Variants in RBFOX1 observed in about 807,000 individuals in gnomAD.
The protein encoded by RBFOX1 is RNA binding protein fox-1 homolog 1.
RBFOX1 carries 8 observed loss-of-function variants against 57.7 expected under a neutral mutation model. That is an observed-to-expected ratio of 0.14 (90% CI 0.08 to 0.25). The LOEUF is 0.25. Ranked by LOEUF, RBFOX1 falls within the 10% of genes least tolerant of loss-of-function variation. The pLI is 1.00. For missense variants in RBFOX1, 611 were observed against 548.5 expected (o/e 1.11, Z -1.14); for synonymous variants, 326 against 222.4 (o/e 1.47, Z -4.15).
chr16:7,699,340 T>A (rs1009069031), intron 14 of RBFOX1, among the ~76,000 whole-genome samples: 2 of 152,116 alleles, frequency 1.3e-5, no homozygotes, highest in Admixed American at 1.3e-4. Flanking sequence ...TACAGGCAGG[T>A]GCTACCACAC....
rs140342494 is a variant in RBFOX1, at chr16:6,404,631, A to G, written c.-64+87574A>G. Among the ~76,000 whole-genome samples, 564 of 151,950 alleles carry G rather than the reference A, an allele frequency of 3.7e-3. 4 individuals are homozygous for G. Among genetic ancestry groups the G allele is most frequent in the Middle Eastern group, 6.8e-3 (2 of 294 alleles). On this transcript the variant is annotated intron_variant, in intron 2 of 15. Coordinates refer to ENST00000550418, the MANE Select transcript of RBFOX1 (RefSeq NM_018723.4). ...CAGTCCTAGTTTGCTTGGGACGGGG[A>G]GGTTTTCATGGACGCATCATCCCTT...
chr16:7,165,989 C>T (rs1200842388), intron 4 of RBFOX1, among the ~76,000 whole-genome samples: 2 of 150,874 alleles, frequency 1.3e-5, no homozygotes, highest in African/African-American at 4.9e-5. Context: ...CCCCAGATTT[C>T]CTTTGAAGGA....
At position 7,612,844 on chromosome 16, in the gene RBFOX1, A is replaced by G. The variant is rs577062546; in HGVS notation, c.676+5506A>G. On this transcript the variant is annotated intron_variant, in intron 10 of 15. Coordinates refer to ENST00000550418, the MANE Select transcript of RBFOX1 (RefSeq NM_018723.4). ...GCAAAGCTCACCCACGTTGTATATC[A>G]TATCTGCCAACTCATTTCTGTGATT... Among the ~76,000 whole-genome samples the G allele has an allele frequency of 1.1e-4, 16 of 152,296 alleles. No individual in the cohort carries two copies. The East Asian group carries it at 1.5e-3, about 15-fold the overall frequency.
intron 3 of RBFOX1, among the ~76,000 whole-genome samples, chr16:6,891,595 A>G (rs868509549): frequency 6.6e-6 from 1 of 152,166 alleles, no homozygotes; most frequent in Non-Finnish European, 1.5e-5. Flanking sequence ...ATTCCTCAGC[A>G]CCATTGTTCC....
intron 3 of RBFOX1, among the ~76,000 whole-genome samples, chr16:5,729,092 C>G (rs1429113757): frequency 1.3e-5 from 2 of 152,238 alleles, no homozygotes; most frequent in Non-Finnish European, 2.9e-5. Flanking sequence ...ATGTTGAGTG[C>G]TTGCTGTTGC....
chr16:6,437,049 G>A (rs2094255447), intron 2 of RBFOX1, among the ~76,000 whole-genome samples: 1 of 152,082 alleles, frequency 6.6e-6, no homozygotes, highest in Non-Finnish European at 1.5e-5. Context: ...AGTATTTTTG[G>A]CTCTTTGGCT....
chr16:6,856,745 T>A (rs1290755319), intron 3 of RBFOX1, among the ~76,000 whole-genome samples: 1 of 152,154 alleles, frequency 6.6e-6, no homozygotes, highest in African/African-American at 2.4e-5. Context: ...GCAATAATGA[T>A]GATCCATTTG....
intron 2 of RBFOX1, among the ~76,000 whole-genome samples, chr16:6,609,159 G>A (rs550542103): frequency 3.3e-5 from 5 of 152,088 alleles, no homozygotes; most frequent in South Asian, 4.2e-4. Flanking sequence ...TGATACATTC[G>A]CAGGCTCCAG....
At chr16:5,750,320 G>A (rs747381340) in intron 3 of RBFOX1, among the ~76,000 whole-genome samples, 2 of 152,208 alleles carry the variant, frequency 1.3e-5, no homozygotes, top group Non-Finnish European at 2.9e-5. Context: ...GGTCAGGAAC[G>A]TACTTGAGGA....
downstream of RBFOX1, among the ~76,000 whole-genome samples, chr16:5,600,468 CAG>C (rs1308680263): frequency 8.9e-6 from 1 of 111,974 alleles, no homozygotes; most frequent in African/African-American, 3.6e-5. Context: ...CCTGGGCAAA[CAG>C]AGTAAGAGCC....
At chr16:5,285,382 A>T (rs551775360) in intron 1 of RBFOX1, among the ~76,000 whole-genome samples, 23 of 151,922 alleles carry the variant, frequency 1.5e-4, no homozygotes, top group African/African-American at 5.6e-4. Flanking sequence ...TGTATTCATT[A>T]TCTGTGTTCT....
At chr16:6,785,429 T>C (rs2081784582) in intron 3 of RBFOX1, among the ~76,000 whole-genome samples, 1 of 152,152 alleles carries the variant, frequency 6.6e-6, no homozygotes, top group Non-Finnish European at 1.5e-5. Context: ...TGGGCAAAAC[T>C]GCATTGATCC....
intron 3 of RBFOX1, among the ~76,000 whole-genome samples, chr16:6,882,924 C>A (rs1020549332): frequency 5.3e-5 from 8 of 152,136 alleles, no homozygotes; most frequent in Admixed American, 3.9e-4. Context: ...TGAATTGAAT[C>A]AGGATGTCTT....
At chr16:5,483,044 A>G (rs2069600398) in intron 2 of RBFOX1, among the ~76,000 whole-genome samples, 1 of 152,204 alleles carries the variant, frequency 6.6e-6, no homozygotes, top group African/African-American at 2.4e-5. Context: ...AAACACATTC[A>G]TGTCACAGAG....
At chr16:7,021,843 A>G (rs1313983740) in intron 3 of RBFOX1, among the ~76,000 whole-genome samples, 1 of 151,096 alleles carries the variant, frequency 6.6e-6, no homozygotes, top group Non-Finnish European at 1.5e-5. Flanking sequence ...GGTAGTTGGT[A>G]TTATCTTCAT....
At chr16:6,687,725 G>C (rs967346828) in intron 3 of RBFOX1, among the ~76,000 whole-genome samples, 4 of 152,140 alleles carry the variant, frequency 2.6e-5, no homozygotes, top group African/African-American at 9.7e-5. Context: ...GGGGAGGACA[G>C]AGGATGGAAG....
chr16:6,179,061 TGATAAG>T (rs2097039810), intron 1 of RBFOX1, among the ~76,000 whole-genome samples: 2 of 152,162 alleles, frequency 1.3e-5, no homozygotes, highest in African/African-American at 4.8e-5. Flanking sequence ...TGAGACATCT[TGATAAG>T]GTACTGGAAG....
At chr16:6,922,406 C>T (rs1016936440) in intron 3 of RBFOX1, among the ~76,000 whole-genome samples, 1 of 152,346 alleles carries the variant, frequency 6.6e-6, no homozygotes, top group Non-Finnish European at 1.5e-5. Context: ...GCAGTGGCTG[C>T]TGGTTTTTGC....
chr16:6,307,994 T>C (rs144444089), intron 1 of RBFOX1, among the ~76,000 whole-genome samples: 1,962 of 149,786 alleles, frequency 0.013, 48 homozygotes, highest in African/African-American at 0.045. Flanking sequence ...TTCGCTTAGG[T>C]TGTTATTTAC....
Sources: gnomAD v4.1 joint callset for allele counts (sites outside exome capture counted in the v4.1 genomes callset) on GRCh38, gnomAD v4.1.1 for gene constraint, MANE v1.5 for transcripts, NCBI Gene and HGNC (gene_info 2026-07-23, HGNC 2026-07-21) for gene names.